The following DHX30 variants were observed in gnomAD, a reference collection of about 807,000 sequenced individuals.
DHX30 encodes the protein ATP-dependent RNA helicase DHX30.
Under a neutral mutation model 116.9 loss-of-function variants are expected in DHX30, and 4 were observed. That is an observed-to-expected ratio of 0.03 (90% CI 0.02 to 0.08). The LOEUF (loss-of-function observed/expected upper bound fraction) is 0.08, where lower values mean the gene tolerates loss of function less well. Ranked by LOEUF, DHX30 falls within the 10% of genes least tolerant of loss-of-function variation. The pLI, the probability that DHX30 is intolerant of heterozygous loss-of-function variation, is 1.00. For synonymous variants in DHX30, 697 were observed against 651.7 expected, an observed-to-expected ratio of 1.07 and a Z score of -1.06; for missense variants, 871 against 1,595.1, an observed-to-expected ratio of 0.55 and a Z score of 7.73.
intron 9 of DHX30, among the ~76,000 whole-genome samples, chr3:47,845,025 G>A (rs1011045210): frequency 1.3e-5 from 2 of 152,092 alleles, no homozygotes. Flanking sequence ...GGCCTGGCCT[G>A]GCTGGTCTGA....
intron 3 of DHX30, among the ~76,000 whole-genome samples, chr3:47,814,036 C>T (rs1345562576): frequency 6.6e-6 from 1 of 151,494 alleles, no homozygotes; most frequent in Non-Finnish European, 1.5e-5. Flanking sequence ...ATTGTCTACC[C>T]ACTTGTAAAA....
chr3:47,811,802 G>A (rs1015911271), intron 3 of DHX30, among the ~76,000 whole-genome samples: 4 of 151,528 alleles, frequency 2.6e-5, no homozygotes, highest in Admixed American at 6.6e-5. Flanking sequence ...GATGGCTCAC[G>A]CCTGTAATCC....
chr3:47,825,075 C>T lies in DHX30; in HGVS notation c.125-2272C>T, dbSNP rs1344116118. ...CTAGGAGACTCATGGCGCTGGCCGCCGGCATCTCTCCGCGCCTGCAGCCGC... is the reference window on the plus strand; with the variant it reads ...CTAGGAGACTCATGGCGCTGGCCGCTGGCATCTCTCCGCGCCTGCAGCCGC... On this transcript the variant is annotated intron_variant, in intron 4 of 21. Coordinates refer to ENST00000445061, the MANE Select transcript of DHX30 (RefSeq NM_138615.3). 7.5e-6 allele frequency: 5 copies of T among 667,728 alleles called. No homozygotes were observed. The African/African-American group carries it at 7.5e-5, about 10-fold the overall frequency. The allele number at this position is 667,728 out of a possible 1,614,324, so 41.4% of individuals were successfully genotyped here.
chr3:47,803,987 C>T (rs147357166), intron 1 of DHX30, among the ~76,000 whole-genome samples: 551 of 152,294 alleles, frequency 3.6e-3, no homozygotes, highest in Non-Finnish European at 5.6e-3. Flanking sequence ...CTGCAGAAGG[C>T]CACTTACAGG....
intron 4 of DHX30, chr3:47,824,738 A>C (rs2036464358): frequency 1.6e-5 from 5 of 312,344 alleles, no homozygotes; most frequent in East Asian, 5.5e-5. Context: ...ACATTGAGCT[A>C]AGGCCTAGCA....
rs573915474 is a variant in DHX30 at position 47,823,837 on chromosome 3, A to C, written c.125-3510A>C. ...TTGGCTTCTTTAGAGGCAACTAAGA[A>C]ATCATGGCATTTCAGCCTTATGCCA... On this transcript the variant is annotated intron_variant, in intron 4 of 21. Transcript: ENST00000445061. 2.6e-5 allele frequency among the ~76,000 whole-genome samples: 4 copies of C among 152,266 alleles called. No individual in the cohort carries two copies. In the East Asian group the frequency reaches 7.7e-4, roughly 29 times the overall value.
rs200118140 is a variant in DHX30 at position 47,848,399 on chromosome 3, G to A, written c.2493+13G>A. 8 of 1,613,770 alleles carry A rather than the reference G, an allele frequency of 5.0e-6. No individual in the cohort carries two copies. Among genetic ancestry groups the A allele is most frequent in the East Asian group, 2.2e-5 (1 of 44,892 alleles). ...GCCTGAGAAGACGGTGCGGCGGGGC[G>A]GGGCAGGGGCTGGCCTGGGGACCAG... is the stretch of plus-strand genomic sequence containing the variant. On this transcript the variant is annotated intron_variant, in intron 15 of 21. Transcript: ENST00000445061. This position sits in a 1 kb window ranked among gnomAD's most constrained non-coding sequence, Gnocchi z 9.4.
At chr3:47,805,219 A>G in intron 1 of DHX30, 107 bp from the exon 2 acceptor site, 3 of 396,690 alleles carry the variant, frequency 7.6e-6, no homozygotes, top group Non-Finnish European at 8.9e-6. Context: ...TGTGCCCTTC[A>G]TGCCACTAAC....
At chr3:47,835,190 T>G (rs1004459989) in intron 6 of DHX30, among the ~76,000 whole-genome samples, 2 of 148,614 alleles carry the variant, frequency 1.3e-5, no homozygotes, top group Admixed American at 1.3e-4. Context: ...TTTTTTTTTT[T>G]GACATGGAGG....
At chr3:47,838,451 C>A (rs1042530477) in intron 6 of DHX30, among the ~76,000 whole-genome samples, 1 of 152,152 alleles carries the variant, frequency 6.6e-6, no homozygotes, top group Non-Finnish European at 1.5e-5. Flanking sequence ...TTAGTCCATA[C>A]CTTTCTGACC....
At chr3:47,845,563 C>T in intron 9 of DHX30, 137 bp from the exon 10 acceptor site, 3 of 931,846 alleles carry the variant, frequency 3.2e-6, no homozygotes, top group Non-Finnish European at 4.4e-6. Flanking sequence ...TTTCTCCCTC[C>T]ATCACCATGT....
At position 47,846,281 on chromosome 3, in the gene DHX30, G is replaced by C; in HGVS notation, c.1209G>C (p.Val403=). 1 of 1,614,226 alleles carries C rather than the reference G, an allele frequency of 6.2e-7. No individual in the cohort carries two copies. Among genetic ancestry groups the C allele is most frequent in the Non-Finnish European group, 8.5e-7 (1 of 1,180,046 alleles). The stretch of plus-strand genomic sequence containing the variant: ...ACCCTATCACAGGCAAGCCCTATGT[G>C]CCCCTGTTGGAAGCAGAGGAGGTAC... The part of the protein sequence containing the change: ...LSDPITGKPY[V]PLLEAEEVRL... The change falls in exon 11 of 22, where the codon GTG becomes GTC. Residue 403 remains valine, a synonymous_variant. Coordinates refer to ENST00000445061, the MANE Select transcript of DHX30 (RefSeq NM_138615.3).
intron 4 of DHX30, 95 bp from the exon 5 acceptor site, chr3:47,827,252 C>A (rs2036592406): frequency 7.5e-7 from 1 of 1,329,880 alleles, no homozygotes; most frequent in Non-Finnish European, 1.0e-6. Context: ...GAGCCAACAT[C>A]CTCAGAATCC....
chr3:47,823,750 G>T (rs2036406364), intron 4 of DHX30, among the ~76,000 whole-genome samples: 1 of 152,106 alleles, frequency 6.6e-6, no homozygotes, highest in South Asian at 2.1e-4. Flanking sequence ...GCAAGTACCT[G>T]TCACCCAGCT....
chr3:47,825,114 T>C (rs1410832120), intron 4 of DHX30: 1 of 675,192 alleles, frequency 1.5e-6, no homozygotes, highest in South Asian at 1.5e-5. Context: ...GTCCCCGCGC[T>C]GCTGGGCGAC....
At chr3:47,817,930 C>T in intron 3 of DHX30, 92 bp from the exon 4 acceptor site, 1 of 779,090 alleles carries the variant, frequency 1.3e-6, no homozygotes, top group Non-Finnish European at 2.4e-6. Context: ...TTGCCCAGAG[C>T]TCCTCACGGA....
chr3:47,806,890 G>T (rs1280611364), intron 2 of DHX30, among the ~76,000 whole-genome samples: 10 of 151,770 alleles, frequency 6.6e-5, no homozygotes, highest in African/African-American at 2.4e-4. Flanking sequence ...ACCAAGCCTG[G>T]CCCACTACAA....
At position 47,849,288 on chromosome 3, in the gene DHX30, G is replaced by T; in HGVS notation, c.3026G>T (p.Ser1009Ile). The change falls in exon 19 of 22, where the codon AGT (serine) becomes ATT (isoleucine). Residue 1009 changes from serine to isoleucine, a missense_variant. Ser to Ile is a moderately radical substitution (Grantham distance 142). Around this residue, in one of 13 missense-constraint regions of DHX30, gnomAD observed 238 missense variants for 481.0 expected, o/e 0.49. Coordinates refer to ENST00000445061, the MANE Select transcript of DHX30 (RefSeq NM_138615.3). ...TLASAQCNEY[S>I]EEEELVKGVL... The stretch of plus-strand genomic sequence containing the variant: ...GCCTCCGCCCAGTGCAACGAGTACA[G>T]TGAGGAGGAGGAGCTGGTGAAGGGC... The T allele has an allele frequency of 1.2e-6, 2 of 1,614,158 alleles. No homozygotes were observed. Among genetic ancestry groups the T allele is most frequent in the Non-Finnish European group, 1.7e-6 (2 of 1,180,042 alleles).
Position 47,821,659 on chromosome 3 carries a change from C to T in DHX30, c.124+3542C>T, listed in dbSNP as rs182329925. Among the ~76,000 whole-genome samples the T allele has an allele frequency of 3.9e-3, 598 of 152,042 alleles. 5 individuals are homozygous for T. The highest frequency in any genetic ancestry group is 0.013 in the African/African-American group (537 of 41,454). ...TGTTGTCCAGGCTGGAGTGCAATGG[C>T]GCAATGTCGGCTCACTGCAACCTCC... On this transcript the variant is annotated intron_variant, in intron 4 of 21. Transcript: ENST00000445061.
Sources: gnomAD v4.1 joint callset for allele counts (sites outside exome capture counted in the v4.1 genomes callset) on GRCh38, gnomAD v4.1.1 for gene constraint, gnomAD v4.1.1 regional missense constraint, Gnocchi (gnomAD v3.1) non-coding constraint, MANE v1.5 for transcripts, NCBI Gene and HGNC (gene_info 2026-07-23, HGNC 2026-07-21) for gene names.